The following DNAH14 variants were observed in gnomAD, a reference collection of about 807,000 sequenced individuals.
DNAH14 encodes the protein axonemal beta dynein heavy chain 14.
In DNAH14, 478 loss-of-function variants were observed where a neutral mutation model predicts 520.9. That is an observed-to-expected ratio of 0.92 (90% CI 0.85 to 0.99). DNAH14 has a LOEUF of 0.99. Among genes scored for constraint, DNAH14 ranks in the 50% least tolerant of loss-of-function variants. DNAH14 has a pLI of 0.00. For missense variants in DNAH14, 4,831 were observed against 5,234.5 expected (o/e 0.92, Z 2.38); for synonymous variants, 1,581 against 1,757.2 (o/e 0.90, Z 2.51).
chr1:225,173,489 G>A (rs982694302), intron 36 of DNAH14, among the ~76,000 whole-genome samples: 4 of 152,144 alleles, frequency 2.6e-5, no homozygotes, highest in Non-Finnish European at 5.9e-5. Flanking sequence ...CATTTTTGCA[G>A]CCAAAAGACA....
At chr1:225,356,966 G>A (rs2095435997) in intron 73 of DNAH14, among the ~76,000 whole-genome samples, 1 of 152,132 alleles carries the variant, frequency 6.6e-6, no homozygotes, top group Non-Finnish European at 1.5e-5. Flanking sequence ...CAAGTGTTGA[G>A]TGTACATATA....
At chr1:224,990,149 T>A (rs998316819) in intron 8 of DNAH14, among the ~76,000 whole-genome samples, 10 of 152,118 alleles carry the variant, frequency 6.6e-5, no homozygotes, top group African/African-American at 2.4e-4. Flanking sequence ...TCTTTTTTTC[T>A]GACTTAAATG....
At chr1:225,113,746 C>T (rs1269507393) in intron 23 of DNAH14, among the ~76,000 whole-genome samples, 1 of 152,224 alleles carries the variant, frequency 6.6e-6, no homozygotes, top group Non-Finnish European at 1.5e-5. Flanking sequence ...AGGAGTCTTT[C>T]TCCATGGCCC....
intron 41 of DNAH14, among the ~76,000 whole-genome samples, chr1:225,208,503 A>G (rs1435378573): frequency 1.3e-5 from 2 of 152,210 alleles, no homozygotes; most frequent in East Asian, 1.9e-4. Context: ...TGTTTCTATA[A>G]TACAGAAATA....
chr1:225,264,171 T>G, intron 46 of DNAH14, 26 bp from the exon 47 acceptor site: 1 of 1,535,072 alleles, frequency 6.5e-7, no homozygotes, highest in Admixed American at 2.0e-5. Flanking sequence ...AAACTAATTT[T>G]GAATCCTTAA....
In DNAH14 at chr1:225,274,194, G is replaced by GTTT. The variant is rs1193834939; in HGVS notation, c.8010+1071_8010+1072insTTT. The stretch of plus-strand genomic sequence containing the variant: ...TTTCTCTGCATCCTCACCAGCATCT[G>GTTT]TTATTTTTTTTTTTTTTTTTTTTTT... On this transcript the variant is annotated intron_variant, in intron 52 of 85. Transcript: ENST00000682510. Among the ~76,000 whole-genome samples, 174 of 120,288 alleles carry GTTT rather than the reference G, an allele frequency of 1.4e-3. 18 individuals are homozygous for GTTT. The highest frequency in any genetic ancestry group is 3.2e-3 in the African/African-American group (94 of 29,422). 78.9% of individuals were successfully genotyped at this position (120,288 alleles called of 152,430 possible). A position where few individuals can be genotyped will look rare whatever the true frequency, so the allele number is the denominator to read the frequency against.
intron 61 of DNAH14, 64 bp downstream of exon 61, chr1:225,318,741 T>G (rs1374892103): frequency 7.0e-6 from 10 of 1,428,070 alleles, no homozygotes; most frequent in Non-Finnish European, 9.5e-6. Context: ...TCATGTTTAC[T>G]AAGCCTATAT....
chr1:225,055,189 C>G (rs1558805123), intron 17 of DNAH14, among the ~76,000 whole-genome samples: 1 of 152,010 alleles, frequency 6.6e-6, no homozygotes, highest in South Asian at 2.1e-4. Context: ...CTCTAAGATG[C>G]CGTATTTCTA....
chr1:225,190,219 A>G (rs1274705069), intron 37 of DNAH14, among the ~76,000 whole-genome samples: 1 of 151,912 alleles, frequency 6.6e-6, no homozygotes, highest in Non-Finnish European at 1.5e-5. Flanking sequence ...AACAATGACA[A>G]CTAATGAAAT....
chr1:225,351,674 A>C lies in DNAH14; in HGVS notation c.11324A>C (p.His3775Pro), dbSNP rs2095367845. ...ACATTTGAAATAGGTGAAAGTCAACATCTTCAGTGGCTGTCAGATTCCAGG... is the reference window on the plus strand; with the variant it reads ...ACATTTGAAATAGGTGAAAGTCAACCTCTTCAGTGGCTGTCAGATTCCAGG... ...TSTFEIGESQ[H>P]LQWLSDSRWR... Residue 3775 changes from histidine (H) to proline (P), a missense_variant, in exon 72 of 86, where the codon CAT (histidine) becomes CCT (proline). Transcript: ENST00000682510. 1 of 1,548,784 alleles carries C rather than the reference A, an allele frequency of 6.5e-7. No individual in the cohort carries two copies. The highest frequency in any genetic ancestry group is 2.0e-5 in the Admixed American group (1 of 50,802).
At chr1:225,068,397 G>T (rs2071162562) in intron 17 of DNAH14, among the ~76,000 whole-genome samples, 1 of 48,360 alleles carries the variant, frequency 2.1e-5, no homozygotes, top group Non-Finnish European at 1.9e-4. Context: ...CTCCAGCTTT[G>T]TTCTCTTTGA....
intron 41 of DNAH14, among the ~76,000 whole-genome samples, chr1:225,222,404 C>A (rs765728983): frequency 1.3e-5 from 2 of 152,110 alleles, no homozygotes; most frequent in Non-Finnish European, 2.9e-5. Context: ...TGGACCTTCA[C>A]AGTAAGTGTT....
chr1:225,256,226 AAAC>A (rs1488536526), intron 44 of DNAH14, among the ~76,000 whole-genome samples: 3 of 152,204 alleles, frequency 2.0e-5, no homozygotes, highest in African/African-American at 4.8e-5. Context: ...ACACATATAC[AAAC>A]AACAACCAGT....
intron 64 of DNAH14, among the ~76,000 whole-genome samples, chr1:225,330,368 G>A (rs1282642680): frequency 6.6e-6 from 1 of 152,186 alleles, no homozygotes; most frequent in Non-Finnish European, 1.5e-5. Context: ...GTTTGTTGCA[G>A]CACTGTTCAC....
intron 8 of DNAH14, among the ~76,000 whole-genome samples, chr1:224,979,175 G>C (rs1451566065): frequency 6.6e-6 from 1 of 152,142 alleles, no homozygotes; most frequent in African/African-American, 2.4e-5. Context: ...CCAAAACTCA[G>C]GTGAGCAACC....
intron 44 of DNAH14, 59 bp from the exon 45 acceptor site, chr1:225,257,901 A>AT: frequency 1.3e-5 from 16 of 1,222,624 alleles, no homozygotes; most frequent in Non-Finnish European, 1.7e-5. Context: ...AAAAAAAAAA[A>AT]GATGAGGTGA....
chr1:225,010,302 G>A (rs1003762807), intron 10 of DNAH14, among the ~76,000 whole-genome samples: 2 of 152,148 alleles, frequency 1.3e-5, no homozygotes, highest in African/African-American at 4.8e-5. Flanking sequence ...TTTTTAGCAT[G>A]AAGGGGTGTT....
In DNAH14 at chr1:224,955,016, A is replaced by G; in HGVS notation, c.135A>G (p.Pro45=). The change falls in exon 3 of 86, where the codon CCA becomes CCG. Residue 45 remains proline, a synonymous_variant. Coordinates refer to ENST00000682510, the MANE Select transcript of DNAH14 (RefSeq NM_001367479.1). ...YEDVKPLETQ[P]AEIAEKETLE... is the part of the protein sequence containing the mutation. ...ATGTGAAACCATTAGAGACTCAACC[A>G]GCTGAAATAGCAGAAAAGGAAACAT... 1.2e-6 allele frequency: 2 copies of G among 1,610,950 alleles called. No homozygotes were observed. Among genetic ancestry groups the G allele is most frequent in the Non-Finnish European group, 1.7e-6 (2 of 1,177,658 alleles).
intron 17 of DNAH14, among the ~76,000 whole-genome samples, chr1:225,063,544 A>G (rs1436995562): frequency 6.6e-6 from 1 of 152,124 alleles, no homozygotes; most frequent in Non-Finnish European, 1.5e-5. Flanking sequence ...GACACTGCAG[A>G]AAAAAATCTG....
Sources: allele counts gnomAD v4.1 joint callset (sites outside exome capture counted in the v4.1 genomes callset), GRCh38; gene constraint gnomAD v4.1.1; transcripts MANE v1.5; gene names NCBI Gene and HGNC (gene_info 2026-07-23, HGNC 2026-07-21).